The following CYFIP2 variants were observed in gnomAD, a reference collection of about 807,000 sequenced individuals.
CYFIP2 encodes cytoplasmic FMR1-interacting protein 2.
A neutral mutation model predicts 158.7 loss-of-function variants in CYFIP2; 29 were observed. That is an observed-to-expected ratio of 0.18 (90% CI 0.14 to 0.25). The LOEUF is 0.25. Among genes scored for constraint, CYFIP2 ranks in the 10% least tolerant of loss-of-function variants. The pLI, the probability that CYFIP2 is intolerant of heterozygous loss-of-function variation, is 1.00. For missense variants in CYFIP2, 852 were observed against 1,639.5 expected (o/e 0.52, Z 8.29); for synonymous variants, 585 against 617.6 (o/e 0.95, Z 0.78).
At chr5:157,356,112 G>T (rs1763388764) in intron 23 of CYFIP2, among the ~76,000 whole-genome samples, 1 of 152,184 alleles carries the variant, frequency 6.6e-6, no homozygotes, top group South Asian at 2.1e-4. Flanking sequence ...TAAGCTGAGT[G>T]ACTTGAATAA....
intron 20 of CYFIP2, among the ~76,000 whole-genome samples, chr5:157,331,626 G>C (rs1326467602): frequency 6.6e-6 from 1 of 151,984 alleles, no homozygotes; most frequent in Admixed American, 6.6e-5. Context: ...TCATTAAGAG[G>C]GGGGAAAAAT....
intron 1 of CYFIP2, among the ~76,000 whole-genome samples, chr5:157,274,537 T>G (rs536825619): frequency 2.0e-5 from 3 of 152,246 alleles, no homozygotes; most frequent in Non-Finnish European, 4.4e-5. Flanking sequence ...TGAACATCCA[T>G]GTACAAGTTT....
chr5:157,313,662 G>C (rs1328631818), intron 11 of CYFIP2, among the ~76,000 whole-genome samples: 2 of 152,110 alleles, frequency 1.3e-5, no homozygotes, highest in Non-Finnish European at 2.9e-5. Flanking sequence ...GCCAGTAAGG[G>C]AATTCACAAA....
intron 3 of CYFIP2, among the ~76,000 whole-genome samples, chr5:157,287,344 A>G (rs1757474234): frequency 1.3e-5 from 2 of 152,166 alleles, no homozygotes; most frequent in Non-Finnish European, 2.9e-5. Context: ...TTAGGGCCCA[A>G]CTTAGTCTCC....
At chr5:157,286,519 C>G (rs2113846640) in intron 2 of CYFIP2, among the ~76,000 whole-genome samples, 1 of 146,130 alleles carries the variant, frequency 6.8e-6, no homozygotes, top group South Asian at 2.1e-4. Flanking sequence ...CCTCATGGTA[C>G]TTAAAAGTCC....
intron 4 of CYFIP2, among the ~76,000 whole-genome samples, chr5:157,295,444 A>T (rs1758176137): frequency 6.6e-6 from 1 of 152,254 alleles, no homozygotes; most frequent in South Asian, 2.1e-4. Flanking sequence ...AAAATCAGCA[A>T]GCCACAGGTG....
chr5:157,269,007 A>G (rs891301435), intron 1 of CYFIP2, among the ~76,000 whole-genome samples: 1 of 152,104 alleles, frequency 6.6e-6, no homozygotes, highest in African/African-American at 2.4e-5. Context: ...TAGCATATTT[A>G]TGTATTTATT....
chr5:157,327,912 C>T (rs1761154729), intron 18 of CYFIP2, 61 bp from the exon 19 acceptor site: 1 of 1,534,302 alleles, frequency 6.5e-7, no homozygotes, highest in Non-Finnish European at 9.0e-7. Flanking sequence ...TTTCAGTTGG[C>T]TCAGTTTCTG....
At chr5:157,372,436 G>GTGTT in intron 26 of CYFIP2, among the ~76,000 whole-genome samples, 1 of 152,130 alleles carries the variant, frequency 6.6e-6, no homozygotes, top group East Asian at 1.9e-4. Context: ...AATATTTTAT[G>GTGTT]TGTTTAGAAT....
At chr5:157,387,215 A>T (rs919006771) in intron 28 of CYFIP2, among the ~76,000 whole-genome samples, 1 of 152,228 alleles carries the variant, frequency 6.6e-6, no homozygotes, top group Non-Finnish European at 1.5e-5. Context: ...AATGAGGTTT[A>T]TGAAATATTT....
chr5:157,288,047 C>T (rs1220604826), intron 3 of CYFIP2, among the ~76,000 whole-genome samples: 2 of 152,046 alleles, frequency 1.3e-5, no homozygotes, highest in South Asian at 2.1e-4. Context: ...GAGCCATGAT[C>T]GTATCACTGC....
chr5:157,331,158 G>GTTTTC (rs1761427897), intron 20 of CYFIP2, among the ~76,000 whole-genome samples: 1 of 152,008 alleles, frequency 6.6e-6, no homozygotes, highest in Non-Finnish European at 1.5e-5. Flanking sequence ...CTGCCACTTA[G>GTTTTC]AGATGGGTAA....
intron 23 of CYFIP2, among the ~76,000 whole-genome samples, chr5:157,355,917 C>T (rs754750923): frequency 5.9e-5 from 9 of 152,138 alleles, no homozygotes; most frequent in Non-Finnish European, 1.2e-4. Context: ...GAAGCTGCAG[C>T]CCTCTTCAGG....
chr5:157,363,182 T>TG (rs988008067), intron 26 of CYFIP2: 1 of 152,286 alleles, frequency 6.6e-6, no homozygotes, highest in African/African-American at 2.4e-5. Context: ...GTTCTCCACA[T>TG]GGTGCTCCCA....
chr5:157,311,642 G>A lies in CYFIP2; in HGVS notation c.993-22G>A, dbSNP rs577627376. On this transcript the variant is annotated intron_variant, in intron 10 of 30. Coordinates refer to ENST00000620254, the MANE Select transcript of CYFIP2 (RefSeq NM_001037333.3). This position sits in a 1 kb window ranked among gnomAD's most constrained non-coding sequence, Gnocchi z 4.7. ...GGCGCCTGAGGCTGGGACCCTCTCC[G>A]ACCCCATAATTTTCTACCCAGGTGG... is the stretch of plus-strand genomic sequence containing the variant. 70 of 1,583,082 alleles carry A rather than the reference G, an allele frequency of 4.4e-5. 1 individual carries two copies. In the Middle Eastern group the frequency reaches 6.6e-4, roughly 15 times the overall value.
intron 28 of CYFIP2, among the ~76,000 whole-genome samples, chr5:157,388,563 C>T (rs1766929135): frequency 6.6e-6 from 1 of 152,216 alleles, no homozygotes; most frequent in Non-Finnish European, 1.5e-5. Flanking sequence ...ACACACATCA[C>T]ACATACTTTC....
intron 10 of CYFIP2, 99 bp downstream of exon 10, chr5:157,309,933 C>G (rs1581029652): frequency 8.6e-7 from 1 of 1,160,398 alleles, no homozygotes; most frequent in East Asian, 2.6e-5. Flanking sequence ...CCCCAGATCC[C>G]TGGGCAGGTG....
chr5:157,321,867 A>G (rs1467914019), intron 15 of CYFIP2, among the ~76,000 whole-genome samples: 1 of 152,216 alleles, frequency 6.6e-6, no homozygotes, highest in East Asian at 1.9e-4. Context: ...AGCGTCTGCA[A>G]ACAGTTCTGT....
rs1254696053 is a variant in CYFIP2, at chr5:157,395,309, GA to G, written c.*2316del. The G allele has an allele frequency of 3.6e-6, 1 of 281,296 alleles. No individual in the cohort carries two copies. The highest frequency in any genetic ancestry group is 5.5e-5 in the Admixed American group (1 of 18,328). The allele number at this position is 281,296 out of a possible 1,614,324, so 17.4% of individuals were successfully genotyped here. On this transcript the variant is annotated 3_prime_UTR_variant, in exon 31 of 31. Transcript: ENST00000620254. ...TTTTTTGTGTGTGTCTAATAACCAG[GA>G]AAAAAATAAAGCTTAGGTTTTAAAA...
Sources: gnomAD v4.1 joint callset for allele counts (sites outside exome capture counted in the v4.1 genomes callset) on GRCh38, gnomAD v4.1.1 for gene constraint, Gnocchi (gnomAD v3.1) non-coding constraint, MANE v1.5 for transcripts, NCBI Gene and HGNC (gene_info 2026-07-23, HGNC 2026-07-21) for gene names.